PDZRN4: variants seen among roughly 807,000 people sequenced by gnomAD.
PDZRN4 encodes the protein PDZ domain-containing RING finger protein 4.
A neutral mutation model predicts 99.0 loss-of-function variants in PDZRN4; 70 were observed. The observed-to-expected ratio is 0.71, with a 90% CI of 0.58 to 0.86. PDZRN4 has a LOEUF of 0.86. PDZRN4 is among the 40% of genes least tolerant of loss of function. The probability of loss-of-function intolerance (pLI) is 0.00; values close to 1 mark genes in which losing one functional copy is unlikely to be tolerated. For synonymous variants in PDZRN4, 551 were observed against 501.6 expected, an observed-to-expected ratio of 1.10 and a Z score of -1.32; for missense variants, 1,474 against 1,331.2, an observed-to-expected ratio of 1.11 and a Z score of -1.67.
chr12:41,382,381 T>A (rs1458823265), intron 3 of PDZRN4, among the ~76,000 whole-genome samples: 5 of 152,232 alleles, frequency 3.3e-5, no homozygotes, highest in African/African-American at 1.2e-4. Flanking sequence ...GTCCACTGGC[T>A]GACCAAGGTA....
chr12:41,332,714 TCAGAA>T (rs1316380138), intron 3 of PDZRN4, among the ~76,000 whole-genome samples: 1 of 135,888 alleles, frequency 7.4e-6, no homozygotes, highest in African/African-American at 2.8e-5. Context: ...AGTTTGGAGG[TCAGAA>T]TAGCAAGTTT....
At chr12:41,364,073 G>A (rs1361621544) in intron 3 of PDZRN4, among the ~76,000 whole-genome samples, 1 of 152,042 alleles carries the variant, frequency 6.6e-6, no homozygotes, top group Non-Finnish European at 1.5e-5. Flanking sequence ...ATAATACAAG[G>A]AAGAAGATCA....
At chr12:41,198,222 C>G (rs1419308514) in intron 3 of PDZRN4, among the ~76,000 whole-genome samples, 2 of 152,066 alleles carry the variant, frequency 1.3e-5, no homozygotes, top group African/African-American at 4.8e-5. Flanking sequence ...CCAGTCTCCT[C>G]TCTTATTTCT....
rs368400272 is a variant in PDZRN4 at position 41,312,987 on chromosome 12, G to C, written c.843+118799G>C. Reference sequence around the variant, plus strand: ...ACTGTCCACCAGGCATCTCCGTCTGGATGTCTCATAAGCAACATAAACTCA... The same window carrying C: ...ACTGTCCACCAGGCATCTCCGTCTGCATGTCTCATAAGCAACATAAACTCA... On this transcript the variant is annotated intron_variant, in intron 3 of 9. Transcript: ENST00000402685. Among the ~76,000 whole-genome samples the C allele has an allele frequency of 1.1e-3, 174 of 152,236 alleles. 1 individual carries two copies. The highest frequency in any genetic ancestry group is 4.0e-3 in the African/African-American group (166 of 41,536).
At position 41,220,784 on chromosome 12, in the gene PDZRN4, T is replaced by A. The variant is rs1240564330; in HGVS notation, c.843+26596T>A. Among the ~76,000 whole-genome samples the A allele has an allele frequency of 2.0e-5, 3 of 152,150 alleles. No individual in the cohort carries two copies. In the South Asian group the frequency reaches 6.2e-4, roughly 32 times the overall value. ...GTTAGGCATAAGTCAAGAAGGTAGATCCATAATAATGAGGTCTTAACCTTG... is the reference window on the plus strand; with the variant it reads ...GTTAGGCATAAGTCAAGAAGGTAGAACCATAATAATGAGGTCTTAACCTTG... On this transcript the variant is annotated intron_variant, in intron 3 of 9. Transcript: ENST00000402685.
chr12:41,426,955 A>G (rs1176549576), intron 3 of PDZRN4, among the ~76,000 whole-genome samples: 1 of 152,210 alleles, frequency 6.6e-6, no homozygotes, highest in Non-Finnish European at 1.5e-5. Flanking sequence ...TTGCAACTTG[A>G]AAAATCTTCC....
intron 3 of PDZRN4, among the ~76,000 whole-genome samples, chr12:41,466,100 C>G (rs2120550513): frequency 6.6e-6 from 1 of 152,214 alleles, no homozygotes; most frequent in East Asian, 1.9e-4. Context: ...CTTTAATAAG[C>G]CATATTAAAT....
chr12:41,512,459 T>C (rs1938322486), intron 5 of PDZRN4, among the ~76,000 whole-genome samples: 1 of 151,876 alleles, frequency 6.6e-6, no homozygotes, highest in African/African-American at 2.4e-5. Context: ...GAAAGGAGAT[T>C]TTCAGAAAGA....
chr12:41,445,561 C>T (rs1280427883), intron 3 of PDZRN4, among the ~76,000 whole-genome samples: 3 of 151,978 alleles, frequency 2.0e-5, no homozygotes, highest in Admixed American at 1.3e-4. Flanking sequence ...GGTATGCAAT[C>T]AATCTGATTA....
At chr12:41,472,064 A>G (rs1952997851) in intron 3 of PDZRN4, among the ~76,000 whole-genome samples, 1 of 149,552 alleles carries the variant, frequency 6.7e-6, no homozygotes, top group Admixed American at 6.7e-5. Flanking sequence ...GTGCAGTGGC[A>G]CGTCTCGGCT....
Position 41,471,835 on chromosome 12 carries a change from A to C in PDZRN4, c.844-34621A>C, listed in dbSNP as rs189893035. On this transcript the variant is annotated intron_variant, in intron 3 of 9. Coordinates refer to ENST00000402685, the MANE Select transcript of PDZRN4 (RefSeq NM_001164595.2). ...ACTTTTATAAAAATTTCTTTGTAGAAGTCAATTTGCTTTTTTAAAAATACA... is the reference window on the plus strand; with the variant it reads ...ACTTTTATAAAAATTTCTTTGTAGACGTCAATTTGCTTTTTTAAAAATACA... Among the ~76,000 whole-genome samples, 11 of 151,900 alleles carry C rather than the reference A, an allele frequency of 7.2e-5. No individual in the cohort carries two copies. The East Asian group carries it at 2.1e-3, about 29-fold the overall frequency.
At chr12:41,454,864 T>C (rs138638121) in intron 3 of PDZRN4, among the ~76,000 whole-genome samples, 1 of 152,242 alleles carries the variant, frequency 6.6e-6, no homozygotes, top group Admixed American at 6.5e-5. Context: ...ATATCTGCGA[T>C]AATGGAAATA....
chr12:41,236,658 G>A (rs1192034246), intron 3 of PDZRN4, among the ~76,000 whole-genome samples: 1 of 152,122 alleles, frequency 6.6e-6, no homozygotes, highest in Non-Finnish European at 1.5e-5. Flanking sequence ...AGAGGTGATA[G>A]ATTTGGATGT....
In PDZRN4 at chr12:41,572,386, A is replaced by G. The variant is rs1217937408; in HGVS notation, c.1607A>G (p.Glu536Gly). 1 of 1,602,058 alleles carries G rather than the reference A, an allele frequency of 6.2e-7. No individual in the cohort carries two copies. Among genetic ancestry groups the G allele is most frequent in the Non-Finnish European group, 8.5e-7 (1 of 1,173,062 alleles). The change falls in exon 10 of 10, where the codon GAA (glutamate) becomes GGA (glycine). Residue 536 changes from glutamate to glycine, a missense_variant. Coordinates refer to ENST00000402685, the MANE Select transcript of PDZRN4 (RefSeq NM_001164595.2). ...VEQPKKQEEE[E>G]GTTDTATSSS... The stretch of plus-strand genomic sequence containing the variant: ...TAGCCAAAAAAGCAAGAAGAAGAAG[A>G]AGGCACAACAGACACTGCAACATCC...
intron 3 of PDZRN4, among the ~76,000 whole-genome samples, chr12:41,504,225 G>A (rs1468159922): frequency 4.6e-5 from 7 of 151,996 alleles, no homozygotes; most frequent in African/African-American, 1.7e-4. Context: ...CTGAGATCAC[G>A]CCACTGTACT....
chr12:41,400,129 A>T (rs1952279644), intron 3 of PDZRN4, among the ~76,000 whole-genome samples: 1 of 152,226 alleles, frequency 6.6e-6, no homozygotes, highest in Non-Finnish European at 1.5e-5. Flanking sequence ...CAAGAATATG[A>T]GAGCAATACA....
chr12:41,190,139 C>T (rs12315869), intron 1 of PDZRN4, among the ~76,000 whole-genome samples: 7,592 of 152,222 alleles, frequency 0.05, 208 homozygotes, highest in African/African-American at 0.056. Flanking sequence ...GGAGGAGCAA[C>T]CCAGAAAGAT....
chr12:41,365,060 A>C (rs1951988428), intron 3 of PDZRN4, among the ~76,000 whole-genome samples: 3 of 152,034 alleles, frequency 2.0e-5, no homozygotes, highest in Admixed American at 2.0e-4. Context: ...GGACAGTTGC[A>C]CCTCATTTGA....
rs571751490 is a variant in PDZRN4 at position 41,546,045 on chromosome 12, T to C, written c.1204-6611T>C. Among the ~76,000 whole-genome samples the C allele has an allele frequency of 1.4e-4, 21 of 152,302 alleles. 1 individual carries two copies. Among genetic ancestry groups the C allele is most frequent in the African/African-American group, 4.8e-4 (20 of 41,564 alleles). On this transcript the variant is annotated intron_variant, in intron 5 of 9. Transcript: ENST00000402685. ...AATTATGGCACTAGTTCCTTTAGCA[T>C]GTGAAACAGCAACTTGGCAAGGAAA...
Sources: gnomAD v4.1 joint callset for allele counts (sites outside exome capture counted in the v4.1 genomes callset) on GRCh38, gnomAD v4.1.1 for gene constraint, MANE v1.5 for transcripts, NCBI Gene and HGNC (gene_info 2026-07-23, HGNC 2026-07-21) for gene names.